Variants in C11orf65 observed in about 807,000 individuals in gnomAD.
The protein encoded by C11orf65 is protein MFI.
In C11orf65, 38 loss-of-function variants were observed where a neutral mutation model predicts 35.3. The observed-to-expected ratio is 1.08, with a 90% confidence interval of 0.83 to 1.41. The LOEUF (loss-of-function observed/expected upper bound fraction) is 1.41, where lower values mean the gene tolerates loss of function less well. Among genes scored for constraint, C11orf65 ranks in the 40% most tolerant of loss-of-function variants. The pLI, the probability that C11orf65 is intolerant of heterozygous loss-of-function variation, is 0.00. For synonymous variants in C11orf65, 105 were observed against 114.4 expected (o/e 0.92, Z 0.53); for missense variants, 370 against 367.1 (o/e 1.01, Z -0.06).
intron 2 of C11orf65, among the ~76,000 whole-genome samples, chr11:108,352,506 TC>T (rs1460677731): frequency 6.6e-6 from 1 of 152,196 alleles, no homozygotes; most frequent in East Asian, 1.9e-4. Context: ...ACCTTCAGCA[TC>T]TAGGGCTAAA....
chr11:108,330,033 G>T (rs1021304287), downstream of C11orf65, among the ~76,000 whole-genome samples: 1 of 152,228 alleles, frequency 6.6e-6, no homozygotes, highest in Non-Finnish European at 1.5e-5. Context: ...GCTTAGGAAG[G>T]TGTGTGAATT....
At chr11:108,401,144 C>G (rs1661251116) in intron 6 of C11orf65, among the ~76,000 whole-genome samples, 1 of 151,692 alleles carries the variant, frequency 6.6e-6, no homozygotes, top group African/African-American at 2.4e-5. Flanking sequence ...TATGCTGCTC[C>G]CCTCGCTCCC....
At chr11:108,349,534 G>A (rs1047837054) in intron 2 of C11orf65, among the ~76,000 whole-genome samples, 2 of 152,124 alleles carry the variant, frequency 1.3e-5, no homozygotes, top group Non-Finnish European at 2.9e-5. Flanking sequence ...GAGGTGGTGG[G>A]CACCTGTAGT....
intron 2 of C11orf65, among the ~76,000 whole-genome samples, chr11:108,339,568 TC>T: frequency 6.6e-6 from 1 of 152,154 alleles, no homozygotes; most frequent in East Asian, 1.9e-4. Flanking sequence ...GTTGAAATCT[TC>T]CAGAGAGTCT....
intron 1 of C11orf65, among the ~76,000 whole-genome samples, chr11:108,462,318 T>G (rs1188530283): frequency 6.6e-6 from 1 of 152,232 alleles, no homozygotes; most frequent in Admixed American, 6.5e-5. Flanking sequence ...GTGCTTGGAT[T>G]ACAGGCATGA....
intron 6 of C11orf65, chr11:108,326,377 T>C: frequency 2.6e-6 from 3 of 1,176,182 alleles, no homozygotes; most frequent in Non-Finnish European, 3.5e-6. Context: ...AAAATTAATT[T>C]GTAAATGAAG....
intron 2 of C11orf65, among the ~76,000 whole-genome samples, chr11:108,374,457 A>G (rs2091663032): frequency 6.6e-6 from 1 of 152,240 alleles, no homozygotes. Flanking sequence ...CTAACAACAG[A>G]AAGGATATCC....
At chr11:108,380,954 T>C (rs150080746), downstream of C11orf65, among the ~76,000 whole-genome samples, 17 of 152,272 alleles carry the variant, frequency 1.1e-4, no homozygotes, top group East Asian at 2.9e-3. Context: ...TAAAGGAATT[T>C]AAAAAATGAG....
At chr11:108,308,903 T>C in exon 7 of C11orf65, 2 of 908,322 alleles carry the variant, frequency 2.2e-6, no homozygotes, top group Non-Finnish European at 1.7e-6. Context: ...GAAGCTTTAA[T>C]GTAGTGGAGA....
chr11:108,453,881 T>C (rs1419259546), intron 2 of C11orf65, among the ~76,000 whole-genome samples: 1 of 152,254 alleles, frequency 6.6e-6, no homozygotes, highest in African/African-American at 2.4e-5. Context: ...CATCCTCATC[T>C]GGCTTTGGTA....
At chr11:108,438,449 G>A (rs564695577) in intron 2 of C11orf65, among the ~76,000 whole-genome samples, 1 of 151,990 alleles carries the variant, frequency 6.6e-6, no homozygotes, top group East Asian at 1.9e-4. Context: ...TACTCGGTAG[G>A]CTGAGGCAAA....
At chr11:108,335,044 G>T in intron 3 of C11orf65, 1 of 1,614,104 alleles carries the variant, frequency 6.2e-7, no homozygotes, top group Non-Finnish European at 8.5e-7. Flanking sequence ...AGCAGGAGGT[G>T]TAAATTTACC....
In C11orf65 at chr11:108,365,437, T is replaced by C. The variant is rs2091251592; in HGVS notation, c.226+27771A>G. ...GCTCAGTGTTGGTGGACAAGTGAATTTGCTCATACAGCAGGCCATAGACCC... is the reference window on the plus strand; with the variant it reads ...GCTCAGTGTTGGTGGACAAGTGAATCTGCTCATACAGCAGGCCATAGACCC... On this transcript the variant is annotated intron_variant, in intron 2 of 3. Coordinates refer to the C11orf65 transcript ENST00000524755. The C allele has an allele frequency of 1.2e-6, 2 of 1,614,160 alleles. No individual in the cohort carries two copies. The highest frequency in any genetic ancestry group is 2.2e-5 in the East Asian group (1 of 44,888).
chr11:108,424,915 TAAC>T (rs1250172166), intron 3 of C11orf65, among the ~76,000 whole-genome samples: 1 of 152,044 alleles, frequency 6.6e-6, no homozygotes, highest in East Asian at 1.9e-4. Context: ...ACTGGATAAA[TAAC>T]GAAACGAAGG....
At chr11:108,330,481 T>G (rs1324115378), downstream of C11orf65, 2 of 1,535,430 alleles carry the variant, frequency 1.3e-6, no homozygotes, top group Non-Finnish European at 1.8e-6. Flanking sequence ...CATAAGCCCC[T>G]TGATGTCAGG....
intron 3 of C11orf65, among the ~76,000 whole-genome samples, chr11:108,427,861 C>T (rs1268035465): frequency 1.3e-5 from 1 of 79,112 alleles, no homozygotes; most frequent in African/African-American, 5.3e-5. Context: ...GACAGAGTCT[C>T]GCTCTGTTGC....
intron 6 of C11orf65, among the ~76,000 whole-genome samples, chr11:108,395,329 ATTT>A (rs761424830): frequency 1.6e-4 from 23 of 140,928 alleles, no homozygotes; most frequent in Non-Finnish European, 2.7e-4. Context: ...TGTCTCTACA[ATTT>A]TTTTTTTTTT....
At chr11:108,413,714 A>G (rs915390775) in intron 3 of C11orf65, among the ~76,000 whole-genome samples, 8 of 152,208 alleles carry the variant, frequency 5.3e-5, no homozygotes, top group Non-Finnish European at 7.3e-5. Context: ...AATCATACAA[A>G]GTATACTCTC....
chr11:108,362,120 C>T (rs1362691336), intron 2 of C11orf65, among the ~76,000 whole-genome samples: 4 of 139,446 alleles, frequency 2.9e-5, no homozygotes, highest in East Asian at 2.1e-4. Flanking sequence ...CAAACAACCC[C>T]ATCAAAAAGT....
Sources: gnomAD v4.1 joint callset for allele counts (sites outside exome capture counted in the v4.1 genomes callset) on GRCh38, gnomAD v4.1.1 for gene constraint, MANE v1.5 for transcripts, NCBI Gene and HGNC (gene_info 2026-07-23, HGNC 2026-07-21) for gene names.